DNAJC11: variants seen among roughly 807,000 people sequenced by gnomAD.
DNAJC11 encodes DnaJ heat shock protein family (Hsp40) member C11, also known as dnaJ homolog subfamily C member 11.
DNAJC11 carries 15 observed loss-of-function variants against 78.6 expected under a neutral mutation model. The observed-to-expected ratio is 0.19, with a 90% CI of 0.13 to 0.29. DNAJC11 has a LOEUF of 0.29. Ranked by LOEUF, DNAJC11 falls within the 10% of genes least tolerant of loss-of-function variation. DNAJC11 has a pLI of 1.00. For missense variants in DNAJC11, 547 were observed against 709.6 expected (o/e 0.77, Z 2.60); for synonymous variants, 292 against 272.1 (o/e 1.07, Z -0.72).
At chr1:6,689,992 C>T (rs920518323) in intron 1 of DNAJC11, among the ~76,000 whole-genome samples, 4 of 152,124 alleles carry the variant, frequency 2.6e-5, no homozygotes, top group South Asian at 2.1e-4. Flanking sequence ...ATACTCAAAA[C>T]GCCTTGAGGT....
At chr1:6,636,047 C>A in intron 15 of DNAJC11, 70 bp downstream of exon 15, 1 of 1,540,994 alleles carries the variant, frequency 6.5e-7, no homozygotes, top group Non-Finnish European at 8.7e-7. Context: ...GCTGGCAGCC[C>A]ACACACTGAG....
At chr1:6,672,123 C>G (rs557184392) in intron 3 of DNAJC11, among the ~76,000 whole-genome samples, 1 of 152,338 alleles carries the variant, frequency 6.6e-6, no homozygotes. Flanking sequence ...GTGTGAGCCA[C>G]TGCACCCGGC....
chr1:6,694,542 TTTGTATGCGCCTCACTC>T (rs1424328687), intron 1 of DNAJC11, among the ~76,000 whole-genome samples: 1 of 152,146 alleles, frequency 6.6e-6, no homozygotes, highest in Admixed American at 6.5e-5. Context: ...ATTCACTGGC[TTTGTATGCGCCTCACTC>T]TTGTTAACTG....
chr1:6,701,604 G>A, intron 1 of DNAJC11, 125 bp downstream of exon 1: 4 of 976,208 alleles, frequency 4.1e-6, no homozygotes, highest in Non-Finnish European at 5.7e-6. Flanking sequence ...CGTCGCCGGG[G>A]TCACGCGGCC....
In DNAJC11 at chr1:6,635,544, A is replaced by ATAAT. The variant is rs1224054628; in HGVS notation, c.*127_*130dup. The ATAAT allele has an allele frequency of 2.1e-5, 22 of 1,032,356 alleles. No individual in the cohort carries two copies. The highest frequency in any genetic ancestry group is 2.8e-5 in the Non-Finnish European group (20 of 705,914). The allele number at this position is 1,032,356 out of a possible 1,614,324, so 63.9% of individuals were successfully genotyped here. A position where few individuals can be genotyped will look rare whatever the true frequency, so the allele number is the denominator to read the frequency against. On this transcript the variant is annotated 3_prime_UTR_variant, in exon 16 of 16. Coordinates refer to ENST00000377577, the MANE Select transcript of DNAJC11 (RefSeq NM_018198.4). ...GTCTGCATGTCCCTTCACATAATTGATAATGGTACCACCTTCTATAATAAT... is the reference window on the plus strand; with the variant it reads ...GTCTGCATGTCCCTTCACATAATTGATAATTAATGGTACCACCTTCTATAATAAT...
chr1:6,672,008 T>A (rs914079465), intron 3 of DNAJC11, among the ~76,000 whole-genome samples: 3 of 152,096 alleles, frequency 2.0e-5, no homozygotes, highest in Middle Eastern at 3.2e-3. Context: ...CCAGTTTTTT[T>A]ATCTTTAGTA....
rs554421317 is a variant in DNAJC11 at position 6,645,472 on chromosome 1, G to C, written c.894+317C>G. 2.0e-5 allele frequency among the ~76,000 whole-genome samples: 3 copies of C among 152,344 alleles called. No individual in the cohort carries two copies. In the South Asian group the frequency reaches 6.2e-4, roughly 32 times the overall value. On this transcript the variant is annotated intron_variant, in intron 8 of 15. Transcript: ENST00000377577. This position sits in a 1 kb window ranked among gnomAD's most constrained non-coding sequence, Gnocchi z 4.1. ...CCCTGGTGTGGCCACAGGGGCGTCC[G>C]AGGGCATGATTCTGCTATGGGGCTT...
chr1:6,663,511 G>C (rs1003175787), intron 4 of DNAJC11, among the ~76,000 whole-genome samples: 23 of 152,162 alleles, frequency 1.5e-4, no homozygotes, highest in African/African-American at 5.6e-4. Flanking sequence ...AACACAGAAC[G>C]ACACTGTTAC....
At chr1:6,673,749 C>T (rs979857962) in intron 3 of DNAJC11, among the ~76,000 whole-genome samples, 7 of 152,224 alleles carry the variant, frequency 4.6e-5, no homozygotes, top group Non-Finnish European at 5.9e-5. Context: ...CAAGATTCCA[C>T]GTTGCATTTA....
At chr1:6,661,549 T>G (rs1295469144) in intron 4 of DNAJC11, among the ~76,000 whole-genome samples, 3 of 152,242 alleles carry the variant, frequency 2.0e-5, no homozygotes, top group Non-Finnish European at 4.4e-5. Context: ...GGTTTCAGTT[T>G]CATTATCACA....
In DNAJC11 at chr1:6,669,575, G is replaced by GAA. The variant is rs557077236; in HGVS notation, c.277-1767_277-1766dup. On this transcript the variant is annotated intron_variant, in intron 3 of 15. Transcript: ENST00000377577. ...GAAAAGAAAAGAAAAGAAAAGAAAA[G>GAA]AAGGCATTTCAATTCCAGTTCAGCC... Among the ~76,000 whole-genome samples the GAA allele has an allele frequency of 1.5e-3, 222 of 145,780 alleles. 1 individual carries two copies. Among genetic ancestry groups the GAA allele is most frequent in the African/African-American group, 5.5e-3 (214 of 39,048 alleles).
intron 3 of DNAJC11, among the ~76,000 whole-genome samples, chr1:6,671,978 G>A (rs992814139): frequency 6.6e-6 from 1 of 152,114 alleles, no homozygotes; most frequent in African/African-American, 2.4e-5. Context: ...GGGATTACAG[G>A]CTTGTGCCAC....
intron 7 of DNAJC11, among the ~76,000 whole-genome samples, chr1:6,647,956 A>G (rs979675027): frequency 2.0e-5 from 3 of 152,168 alleles, no homozygotes; most frequent in Admixed American, 6.5e-5. Flanking sequence ...TCAATTTCCA[A>G]ACCTGTAAAT....
intron 10 of DNAJC11, among the ~76,000 whole-genome samples, 187 bp downstream of exon 10, chr1:6,644,371 C>T (rs929358902): frequency 5.9e-5 from 9 of 152,300 alleles, no homozygotes; most frequent in African/African-American, 1.4e-4. Flanking sequence ...TGACCTCAGG[C>T]GATCCGGCCG....
chr1:6,666,701 C>G (rs905158775), intron 4 of DNAJC11, among the ~76,000 whole-genome samples: 1 of 152,188 alleles, frequency 6.6e-6, no homozygotes, highest in Non-Finnish European at 1.5e-5. Context: ...CGCACCCGGC[C>G]TATTCTATTC....
intron 1 of DNAJC11, among the ~76,000 whole-genome samples, chr1:6,699,359 ACAGTTTCAG>A (rs1642889393): frequency 6.6e-6 from 1 of 152,216 alleles, no homozygotes. Flanking sequence ...GACAGGCTCT[ACAGTTTCAG>A]CAGTTTCAAG....
In DNAJC11 at chr1:6,667,761, C is replaced by T. The variant is rs763011303; in HGVS notation, c.326G>A (p.Arg109Gln). 86 of 1,613,966 alleles carry T rather than the reference C, an allele frequency of 5.3e-5. No individual in the cohort carries two copies. Among genetic ancestry groups the T allele is most frequent in the Non-Finnish European group, 6.6e-5 (78 of 1,180,032 alleles). The change falls in exon 4 of 16, where the codon CGG (arginine) becomes CAG (glutamine). Residue 109 changes from arginine (R) to glutamine (Q), a missense_variant. By Grantham distance (43) the Arg-to-Gln change is conservative (BLOSUM62 1). Transcript: ENST00000377577. ...TPAEIREEFE[R>Q]LQREREERRL... ...CCTCTCTTCTCTCTCTCTCTGCAGC[C>T]GCTCAAACTCCTCTCGAATTTCAGC... is the stretch of plus-strand genomic sequence containing the variant.
chr1:6,693,696 ATTTTTATAGACGGAGTCTCGC>A (rs1056815814), intron 1 of DNAJC11, among the ~76,000 whole-genome samples: 7 of 151,752 alleles, frequency 4.6e-5, no homozygotes, highest in African/African-American at 1.7e-4. Flanking sequence ...ATTTATTATT[ATTTTTATAGACGGAGTCTCGC>A]TTTTTATAGA....
At chr1:6,674,065 T>C (rs1023944653) in intron 3 of DNAJC11, among the ~76,000 whole-genome samples, 2 of 152,220 alleles carry the variant, frequency 1.3e-5, no homozygotes, top group African/African-American at 2.4e-5. Flanking sequence ...GAATCAACCC[T>C]GTCAAAGTAT....
Sources: gnomAD v4.1 joint callset for allele counts (sites outside exome capture counted in the v4.1 genomes callset) on GRCh38, gnomAD v4.1.1 for gene constraint, Gnocchi (gnomAD v3.1) non-coding constraint, MANE v1.5 for transcripts, NCBI Gene and HGNC (gene_info 2026-07-23, HGNC 2026-07-21) for gene names.